The following BCAS3 variants were observed in gnomAD, a reference collection of about 807,000 sequenced individuals.
The protein encoded by BCAS3 is BCAS4/BCAS3 fusion.
Under a neutral mutation model 116.1 loss-of-function variants are expected in BCAS3, and 53 were observed. The observed-to-expected ratio is 0.46, with a 90% CI of 0.37 to 0.57. The LOEUF (loss-of-function observed/expected upper bound fraction) is 0.57. BCAS3 is among the 20% of genes least tolerant of loss of function. BCAS3 has a pLI of 0.00. For synonymous variants in BCAS3, 391 were observed against 408.2 expected, an observed-to-expected ratio of 0.96 and a Z score of 0.51; for missense variants, 917 against 1,165.4, an observed-to-expected ratio of 0.79 and a Z score of 3.10.
chr17:61,144,184 A>G lies in BCAS3; in HGVS notation c.2425+59620A>G, dbSNP rs1341382471. Among the ~76,000 whole-genome samples the G allele has an allele frequency of 1.3e-5, 2 of 152,106 alleles. No individual in the cohort carries two copies. Among genetic ancestry groups the G allele is most frequent in the African/African-American group, 4.8e-5 (2 of 41,414 alleles). Reference sequence around the variant, plus strand: ...AAACTCCTGCCTAGAGGAATGCCAGAGGCAGAATAAATTTTGGAGCATGGA... The same window carrying G: ...AAACTCCTGCCTAGAGGAATGCCAGGGGCAGAATAAATTTTGGAGCATGGA... On this transcript the variant is annotated intron_variant, in intron 22 of 23. Coordinates refer to ENST00000407086, the MANE Select transcript of BCAS3 (RefSeq NM_017679.5). This position sits in a 1 kb window ranked among gnomAD's most constrained non-coding sequence, Gnocchi z 5.0.
intron 23 of BCAS3, among the ~76,000 whole-genome samples, chr17:61,372,717 AC>A (rs2059114134): frequency 6.6e-6 from 1 of 151,956 alleles, no homozygotes; most frequent in South Asian, 2.1e-4. Context: ...TTCTGTGCAT[AC>A]TTTTCCTTTT....
chr17:60,753,432 C>T lies in BCAS3; in HGVS notation c.403+6153C>T, dbSNP rs113302453. Reference sequence around the variant, plus strand: ...ATTTATTTATTTATTTATTTAGAGACGGAGTCTTGCTCTGTCACCCAGGCT... The same window carrying T: ...ATTTATTTATTTATTTATTTAGAGATGGAGTCTTGCTCTGTCACCCAGGCT... On this transcript the variant is annotated intron_variant, in intron 6 of 23. Transcript: ENST00000407086. Among the ~76,000 whole-genome samples, 433 of 116,434 alleles carry T rather than the reference C, an allele frequency of 3.7e-3. 1 individual carries two copies. The highest frequency in any genetic ancestry group is 0.012 in the African/African-American group (406 of 32,920). The allele number at this position is 116,434 out of a possible 152,430, so 76.4% of individuals were successfully genotyped here. A position where few individuals can be genotyped will look rare whatever the true frequency, so the allele number is the denominator to read the frequency against.
rs1601280599 is a variant in BCAS3, at chr17:61,106,549, T to C, written c.2425+21985T>C. ...TGAAATCACCTAATAACACACTTTC[T>C]CAGAACACATCTTTGTTGTTAAGCA... On this transcript the variant is annotated intron_variant, in intron 22 of 23. Coordinates refer to ENST00000407086, the MANE Select transcript of BCAS3 (RefSeq NM_017679.5). The surrounding 1 kb of genome is among the most constrained non-coding windows in gnomAD (Gnocchi z 4.2). Among the ~76,000 whole-genome samples the C allele has an allele frequency of 6.6e-6, 1 of 152,218 alleles. No homozygotes were observed. The highest frequency in any genetic ancestry group is 1.9e-4 in the East Asian group (1 of 5,196).
chr17:61,351,758 G>A (rs1291249808), intron 22 of BCAS3, among the ~76,000 whole-genome samples: 1 of 152,186 alleles, frequency 6.6e-6, no homozygotes, highest in Non-Finnish European at 1.5e-5. Flanking sequence ...GGTGCTAAAT[G>A]AAGAGAAGAG....
At chr17:60,935,687 G>T (rs190307345) in intron 13 of BCAS3, among the ~76,000 whole-genome samples, 1 of 152,246 alleles carries the variant, frequency 6.6e-6, no homozygotes, top group East Asian at 1.9e-4. Context: ...CAGCATGCTT[G>T]ATGACTATCT....
chr17:61,072,109 T>G (rs1460128175), intron 19 of BCAS3, among the ~76,000 whole-genome samples: 2 of 152,204 alleles, frequency 1.3e-5, no homozygotes, highest in Non-Finnish European at 2.9e-5. Context: ...TTATAATCTC[T>G]TTAGGATTTT....
chr17:60,836,304 A>G (rs2051371736), intron 7 of BCAS3, among the ~76,000 whole-genome samples: 2 of 152,322 alleles, frequency 1.3e-5, no homozygotes, highest in Middle Eastern at 6.8e-3. Flanking sequence ...ACAGATAGTT[A>G]ACATTAATTC....
intron 6 of BCAS3, among the ~76,000 whole-genome samples, chr17:60,761,286 A>G (rs945459240): frequency 2.6e-5 from 4 of 152,092 alleles, no homozygotes; most frequent in Non-Finnish European, 5.9e-5. Context: ...ATATGTATAC[A>G]TGTGCCGTGT....
chr17:60,983,796 C>A (rs965656180), intron 14 of BCAS3, among the ~76,000 whole-genome samples: 1 of 152,106 alleles, frequency 6.6e-6, no homozygotes, highest in East Asian at 1.9e-4. Context: ...TCTAAGGATG[C>A]CTTTCTTTAT....
At chr17:61,360,403 A>AT (rs1274026391) in intron 22 of BCAS3, among the ~76,000 whole-genome samples, 9 of 152,128 alleles carry the variant, frequency 5.9e-5, no homozygotes, top group Non-Finnish European at 1.3e-4. Flanking sequence ...TAGGTTTATT[A>AT]TTTTCCTAGG....
chr17:61,285,853 T>G lies in BCAS3; in HGVS notation c.2426-82474T>G, dbSNP rs913756386. On this transcript the variant is annotated intron_variant, in intron 22 of 23. Transcript: ENST00000407086. The surrounding 1 kb of genome is among the most constrained non-coding windows in gnomAD (Gnocchi z 5.4). ...TCCCTCCCATCTCCAGTCCCTACTT[T>G]AGGCGAATCAGCTTTAGTCCTCTAA... is the stretch of plus-strand genomic sequence containing the variant. 6.6e-6 allele frequency among the ~76,000 whole-genome samples: 1 copy of G among 152,150 alleles called. No individual in the cohort carries two copies. The highest frequency in any genetic ancestry group is 2.4e-5 in the African/African-American group (1 of 41,446).
At chr17:60,897,270 A>G (rs1313268252) in intron 10 of BCAS3, among the ~76,000 whole-genome samples, 1 of 152,208 alleles carries the variant, frequency 6.6e-6, no homozygotes, top group African/African-American at 2.4e-5. Context: ...CTGCTAAGAA[A>G]TCTACAGTTA....
At chr17:60,977,035 C>A (rs1227550563) in intron 14 of BCAS3, among the ~76,000 whole-genome samples, 1 of 152,100 alleles carries the variant, frequency 6.6e-6, no homozygotes, top group Non-Finnish European at 1.5e-5. Context: ...CGCCCCCCAA[C>A]CTCCCAGACG....
rs1021010392 is a variant in BCAS3 at position 61,286,480 on chromosome 17, G to C, written c.2426-81847G>C. On this transcript the variant is annotated intron_variant, in intron 22 of 23. Coordinates refer to ENST00000407086, the MANE Select transcript of BCAS3 (RefSeq NM_017679.5). This position sits in a 1 kb window ranked among gnomAD's most constrained non-coding sequence, Gnocchi z 4.8. The stretch of plus-strand genomic sequence containing the variant: ...GGTGTTTATGACCCTGGAGGCCATC[G>C]ATAACTGGACCTAGAAGGGTTTCTC... Among the ~76,000 whole-genome samples, 1 of 152,180 alleles carries C rather than the reference G, an allele frequency of 6.6e-6. No individual in the cohort carries two copies. The highest frequency in any genetic ancestry group is 1.5e-5 in the Non-Finnish European group (1 of 68,044).
chr17:61,002,443 A>T (rs1036058255), intron 15 of BCAS3: 2 of 149,912 alleles, frequency 1.3e-5, no homozygotes, highest in African/African-American at 5.1e-5. Flanking sequence ...TAAATGGTTA[A>T]TGAGACATGC....
In BCAS3 at chr17:61,124,605, A is replaced by G. The variant is rs544493115; in HGVS notation, c.2425+40041A>G. On this transcript the variant is annotated intron_variant, in intron 22 of 23. Coordinates refer to ENST00000407086, the MANE Select transcript of BCAS3 (RefSeq NM_017679.5). The surrounding 1 kb of genome is among the most constrained non-coding windows in gnomAD (Gnocchi z 4.6). ...AAGCATTTCTTGATATTTTTTCACT[A>G]TTTTTCCCTAGTGAGTTATGTAGTT... Among the ~76,000 whole-genome samples, 6 of 152,142 alleles carry G rather than the reference A, an allele frequency of 3.9e-5. No individual in the cohort carries two copies. The highest frequency in any genetic ancestry group is 9.6e-5 in the African/African-American group (4 of 41,516).
At chr17:61,035,918 A>G (rs2066992120) in intron 17 of BCAS3, among the ~76,000 whole-genome samples, 1 of 152,130 alleles carries the variant, frequency 6.6e-6, no homozygotes, top group African/African-American at 2.4e-5. Flanking sequence ...TGCCATTTGA[A>G]GCTTATGAAT....
chr17:60,772,788 G>A (rs1024975610), intron 6 of BCAS3, among the ~76,000 whole-genome samples: 6 of 152,062 alleles, frequency 3.9e-5, no homozygotes, highest in Non-Finnish European at 7.4e-5. Context: ...CAGGAGAATC[G>A]CTTGAACCTG....
At chr17:61,322,467 G>A (rs906679608) in intron 22 of BCAS3, among the ~76,000 whole-genome samples, 2 of 152,274 alleles carry the variant, frequency 1.3e-5, no homozygotes, top group Admixed American at 6.5e-5. Context: ...CAAGCCTTCC[G>A]CCCTCCTCTA....
Sources: gnomAD v4.1 joint callset for allele counts (sites outside exome capture counted in the v4.1 genomes callset) on GRCh38, gnomAD v4.1.1 for gene constraint, Gnocchi (gnomAD v3.1) non-coding constraint, MANE v1.5 for transcripts, NCBI Gene and HGNC (gene_info 2026-07-23, HGNC 2026-07-21) for gene names.